Variants in PAK5 observed in about 807,000 individuals in gnomAD.
PAK5 encodes the protein p21 (RAC1) activated kinase 5, also known as serine/threonine-protein kinase PAK 5.
PAK5 carries 16 observed loss-of-function variants against 65.9 expected under a neutral mutation model. That is an observed-to-expected ratio of 0.24 (90% CI 0.16 to 0.37). PAK5 has a LOEUF of 0.37. Ranked by LOEUF, PAK5 falls within the 10% of genes least tolerant of loss-of-function variation. The pLI is 1.00. For synonymous variants in PAK5, 371 were observed against 354.9 expected (o/e 1.05, Z -0.51); for missense variants, 785 against 903.9 (o/e 0.87, Z 1.69).
At chr20:9,811,258 T>C (rs2123755240) in intron 1 of PAK5, among the ~76,000 whole-genome samples, 1 of 152,282 alleles carries the variant, frequency 6.6e-6, no homozygotes, top group African/African-American at 2.4e-5. Context: ...TGACATTGTA[T>C]ACTGTCTCAC....
At chr20:9,596,676 G>A (rs186947123) in intron 3 of PAK5, among the ~76,000 whole-genome samples, 321 of 147,992 alleles carry the variant, frequency 2.2e-3, no homozygotes, top group Non-Finnish European at 3.4e-3. Context: ...CAGAGAAGTC[G>A]TGGCTTGAGG....
At chr20:9,718,612 C>A (rs2048178262) in intron 1 of PAK5, among the ~76,000 whole-genome samples, 1 of 152,086 alleles carries the variant, frequency 6.6e-6, no homozygotes, top group East Asian at 1.9e-4. Flanking sequence ...TAGATTAAAA[C>A]CTTCCAACAA....
intron 1 of PAK5, among the ~76,000 whole-genome samples, chr20:9,769,566 CT>C (rs1329919995): frequency 6.6e-6 from 1 of 152,240 alleles, no homozygotes; most frequent in Non-Finnish European, 1.5e-5. Context: ...AACTCTTCCC[CT>C]CAAAATTGAA....
chr20:9,765,364 T>C (rs558546948), intron 1 of PAK5, among the ~76,000 whole-genome samples: 2 of 152,316 alleles, frequency 1.3e-5, no homozygotes, highest in Admixed American at 1.3e-4. Flanking sequence ...TATTAATTTA[T>C]TCATAGTAGT....
At chr20:9,567,395 A>G (rs2045700946) in intron 4 of PAK5, among the ~76,000 whole-genome samples, 1 of 152,206 alleles carries the variant, frequency 6.6e-6, no homozygotes, top group Non-Finnish European at 1.5e-5. Flanking sequence ...AAGGACCTAG[A>G]TCTATTCTAA....
At chr20:9,618,914 C>CG (rs1555905260) in intron 3 of PAK5, among the ~76,000 whole-genome samples, 1 of 21,854 alleles carries the variant, frequency 4.6e-5, no homozygotes, top group Non-Finnish European at 9.0e-5. Flanking sequence ...CTCTTTCTTT[C>CG]GTTTTTTTTT....
chr20:9,640,926 A>G (rs2047049800), intron 3 of PAK5, among the ~76,000 whole-genome samples: 1 of 152,180 alleles, frequency 6.6e-6, no homozygotes, highest in African/African-American at 2.4e-5. Flanking sequence ...GATTTATTGC[A>G]AAGAGCGAAA....
chr20:9,775,785 C>A (rs188297040), intron 1 of PAK5, among the ~76,000 whole-genome samples: 16 of 152,278 alleles, frequency 1.1e-4, no homozygotes, highest in Non-Finnish European at 1.9e-4. Context: ...AGTTGTACCT[C>A]TTATGCTAAG....
At chr20:9,671,600 C>G (rs1251194399) in intron 2 of PAK5, among the ~76,000 whole-genome samples, 15 of 150,294 alleles carry the variant, frequency 1.0e-4, no homozygotes, top group Admixed American at 1.0e-3. Flanking sequence ...TATAAGAATG[C>G]TTGTGATTTT....
At chr20:9,781,846 A>G (rs762666047) in intron 1 of PAK5, among the ~76,000 whole-genome samples, 5 of 151,252 alleles carry the variant, frequency 3.3e-5, no homozygotes, top group Non-Finnish European at 7.4e-5. Flanking sequence ...GCCACCACCC[A>G]CTCTCTCCTG....
chr20:9,742,021 G>A (rs558351519), intron 1 of PAK5, among the ~76,000 whole-genome samples: 10 of 152,254 alleles, frequency 6.6e-5, no homozygotes, highest in South Asian at 4.1e-4. Context: ...GGACGCTAAC[G>A]GTGGTCCCAA....
At chr20:9,816,821 A>G (rs890796558) in intron 1 of PAK5, among the ~76,000 whole-genome samples, 1 of 152,190 alleles carries the variant, frequency 6.6e-6, no homozygotes, top group Admixed American at 6.5e-5. Flanking sequence ...TACAGCAGCC[A>G]TGACTATTAC....
intron 2 of PAK5, among the ~76,000 whole-genome samples, chr20:9,657,689 G>A (rs6140990): frequency 0.2 from 30,835 of 151,998 alleles, 3,899 homozygotes; most frequent in East Asian, 0.4. Context: ...GCAGCTGCAG[G>A]CCTACTCGTG....
chr20:9,695,143 T>A lies in PAK5; in HGVS notation c.-12+16143A>T, dbSNP rs114453860. On this transcript the variant is annotated intron_variant, in intron 2 of 9. Coordinates refer to ENST00000353224, the MANE Select transcript of PAK5 (RefSeq NM_177990.4). ...TGCATTTCCCTAGTGAGTTTGAGCTTCTTTCATGTGCCTTGGCCATGTAGA... is the reference window on the plus strand; with the variant it reads ...TGCATTTCCCTAGTGAGTTTGAGCTACTTTCATGTGCCTTGGCCATGTAGA... Among the ~76,000 whole-genome samples the A allele has an allele frequency of 3.8e-3, 582 of 152,188 alleles. 4 individuals are homozygous for A. Among genetic ancestry groups the A allele is most frequent in the African/African-American group, 0.013 (550 of 41,544 alleles).
At position 9,646,807 on chromosome 20, in the gene PAK5, C is replaced by T. The variant is rs148577782; in HGVS notation, c.-11-2468G>A. 4.8e-3 allele frequency among the ~76,000 whole-genome samples: 736 copies of T among 152,320 alleles called. 4 individuals carry two copies. Among genetic ancestry groups the T allele is most frequent in the African/African-American group, 0.017 (692 of 41,568 alleles). ...CAGTCAGCATGAAAACAAAGCCAGC[C>T]TATCCTGCTGGAAGATGAGGGGCTG... On this transcript the variant is annotated intron_variant, in intron 2 of 9. Coordinates refer to ENST00000353224, the MANE Select transcript of PAK5 (RefSeq NM_177990.4).
chr20:9,826,552 A>G (rs937190384), intron 1 of PAK5, among the ~76,000 whole-genome samples: 4 of 152,178 alleles, frequency 2.6e-5, no homozygotes, highest in African/African-American at 4.8e-5. Flanking sequence ...GCTTTAAAAA[A>G]TCCCTGGCAT....
chr20:9,699,413 A>G (rs1280458317), intron 2 of PAK5, among the ~76,000 whole-genome samples: 1 of 151,976 alleles, frequency 6.6e-6, no homozygotes, highest in Non-Finnish European at 1.5e-5. Context: ...ATGAGAAACA[A>G]TCTGTATGGA....
At chr20:9,638,057 T>C (rs2047003838) in intron 3 of PAK5, among the ~76,000 whole-genome samples, 1 of 152,158 alleles carries the variant, frequency 6.6e-6, no homozygotes, top group Non-Finnish European at 1.5e-5. Context: ...ACTCCAGACC[T>C]ACTGAATCAG....
chr20:9,590,563 C>G (rs74760527), intron 3 of PAK5, among the ~76,000 whole-genome samples: 2 of 150,468 alleles, frequency 1.3e-5, no homozygotes, highest in Non-Finnish European at 2.9e-5. Context: ...GATCTAGATA[C>G]ACAGGTCTCA....
Sources: gnomAD v4.1 joint callset for allele counts (sites outside exome capture counted in the v4.1 genomes callset) on GRCh38, gnomAD v4.1.1 for gene constraint, MANE v1.5 for transcripts, NCBI Gene and HGNC (gene_info 2026-07-23, HGNC 2026-07-21) for gene names.